RALGPS2: variants seen among roughly 807,000 people sequenced by gnomAD.
RALGPS2 encodes Ral GEF with PH domain and SH3 binding motif 2.
Under a neutral mutation model 86.8 loss-of-function variants are expected in RALGPS2, and 43 were observed. The observed-to-expected ratio is 0.50, with a 90% CI of 0.39 to 0.64. The LOEUF is 0.64. Among genes scored for constraint, RALGPS2 ranks in the 30% least tolerant of loss-of-function variants. The pLI is 0.00. For synonymous variants in RALGPS2, 243 were observed against 231.3 expected, an observed-to-expected ratio of 1.05 and a Z score of -0.46; for missense variants, 536 against 694.6, an observed-to-expected ratio of 0.77 and a Z score of 2.57.
At chr1:178,794,239 C>G (rs1218648450) in intron 4 of RALGPS2, among the ~76,000 whole-genome samples, 1 of 152,136 alleles carries the variant, frequency 6.6e-6, no homozygotes, top group Non-Finnish European at 1.5e-5. Context: ...GCTTCAGCCT[C>G]CAGAGTAGCT....
At chr1:178,831,245 C>G (rs574940332) in intron 7 of RALGPS2, among the ~76,000 whole-genome samples, 62 of 152,262 alleles carry the variant, frequency 4.1e-4, no homozygotes, top group African/African-American at 1.5e-3. Flanking sequence ...CAAAGCCATA[C>G]CAGGCTCTAA....
chr1:178,900,195 T>A (rs1007507192), intron 17 of RALGPS2, among the ~76,000 whole-genome samples: 1 of 151,874 alleles, frequency 6.6e-6, no homozygotes. Flanking sequence ...AGAAAAAAAA[T>A]CATAGATTAA....
rs186474542 is a variant in RALGPS2 at position 178,765,281 on chromosome 1, C to T, written c.-83-11401C>T. Among the ~76,000 whole-genome samples the T allele has an allele frequency of 3.3e-3, 496 of 151,492 alleles. 2 individuals carry two copies. Among genetic ancestry groups the T allele is most frequent in the African/African-American group, 0.011 (470 of 41,266 alleles). Reference sequence around the variant, plus strand: ...GTCCTTTTCTATTTTCCCTAAATGTCGGCCAGTCTGAGAAATAAAGGGAAA... The same window carrying T: ...GTCCTTTTCTATTTTCCCTAAATGTTGGCCAGTCTGAGAAATAAAGGGAAA... On this transcript the variant is annotated intron_variant, in intron 1 of 19. Coordinates refer to ENST00000367635, the MANE Select transcript of RALGPS2 (RefSeq NM_152663.5).
Position 178,808,065 on chromosome 1 carries a change from G to C in RALGPS2, c.234G>C (p.Trp78Cys). 6.2e-7 allele frequency: 1 copy of C among 1,609,252 alleles called. No individual in the cohort carries two copies. The highest frequency in any genetic ancestry group is 1.1e-5 in the South Asian group (1 of 90,662). The change falls in exon 5 of 20, where the codon TGG becomes TGC. Residue 78 changes from tryptophan to cysteine, a missense_variant. Transcript: ENST00000367635. Reference sequence around the variant, plus strand: ...TCCAGGAGCTTTCAAGTTGTGGATGGAATAAAAAAGAAAAATATAGTTCTG... The same window carrying C: ...TCCAGGAGCTTTCAAGTTGTGGATGCAATAAAAAAGAAAAATATAGTTCTG... ...IQPDELSSCG[W>C]NKKEKYSSAP...
chr1:178,911,068 A>AT (rs1236617922), intron 19 of RALGPS2, among the ~76,000 whole-genome samples: 1 of 151,806 alleles, frequency 6.6e-6, no homozygotes, highest in Non-Finnish European at 1.5e-5. Context: ...GTCTCTGAGG[A>AT]TTTTTTGTAT....
At chr1:178,846,664 C>T (rs1313731374) in intron 8 of RALGPS2, among the ~76,000 whole-genome samples, 1 of 152,056 alleles carries the variant, frequency 6.6e-6, no homozygotes, top group African/African-American at 2.4e-5. Context: ...ATAGTGTTTT[C>T]TTTAAGTGCC....
chr1:178,828,775 G>A (rs1054421227), intron 7 of RALGPS2, among the ~76,000 whole-genome samples: 2 of 152,156 alleles, frequency 1.3e-5, no homozygotes, highest in East Asian at 1.9e-4. Flanking sequence ...GATAACTAAC[G>A]AGTTTTGGTA....
chr1:178,840,503 T>C (rs1042121114), intron 8 of RALGPS2, among the ~76,000 whole-genome samples: 13 of 152,260 alleles, frequency 8.5e-5, no homozygotes, highest in African/African-American at 2.9e-4. Flanking sequence ...TTTAAAGCAG[T>C]GTGTAGAGGG....
rs141027495 is a variant in RALGPS2 at position 178,808,117 on chromosome 1, A to C, written c.286A>C (p.Arg96=). The part of the protein sequence containing the change: ...SAPNAVAFTR[R]FNHVSFWVVR... ...ACCAAATGCAGTTGCCTTCACAAGAAGATTCAATCATGTGAGTTTATAAAT... is the reference window on the plus strand; with the variant it reads ...ACCAAATGCAGTTGCCTTCACAAGACGATTCAATCATGTGAGTTTATAAAT... The change falls in exon 5 of 20, where the codon AGA becomes CGA. Residue 96 remains arginine (R), a synonymous_variant. Coordinates refer to ENST00000367635, the MANE Select transcript of RALGPS2 (RefSeq NM_152663.5). The C allele has an allele frequency of 2.4e-5, 38 of 1,599,294 alleles. No homozygotes were observed. In the African/African-American group the frequency reaches 4.7e-4, roughly 20 times the overall value.
rs1647243239 is a variant in RALGPS2, at chr1:178,920,236, T to A, written c.*3877T>A. ...TGATTTTGCTCCCCTAAAAATGGCT[T>A]GTGTCTAAAGTGACATTTTTTTCCC... is the stretch of plus-strand genomic sequence containing the variant. On this transcript the variant is annotated 3_prime_UTR_variant, in exon 20 of 20. Coordinates refer to ENST00000367635, the MANE Select transcript of RALGPS2 (RefSeq NM_152663.5). The A allele has an allele frequency of 6.6e-6, 1 of 152,022 alleles. No individual in the cohort carries two copies. Among genetic ancestry groups the A allele is most frequent in the South Asian group, 2.1e-4 (1 of 4,828 alleles). 9.4% of individuals were successfully genotyped at this position (152,022 alleles called of 1,614,324 possible).
intron 1 of RALGPS2, among the ~76,000 whole-genome samples, chr1:178,737,957 T>G (rs1650815364): frequency 1.3e-5 from 2 of 151,980 alleles, no homozygotes; most frequent in Non-Finnish European, 1.5e-5. Flanking sequence ...TTTTTGTTTT[T>G]TTGTAGAGAC....
rs1438188498 is a variant in RALGPS2 at position 178,774,229 on chromosome 1, C to T, written c.-83-2453C>T. Among the ~76,000 whole-genome samples the T allele has an allele frequency of 2.0e-5, 3 of 151,894 alleles. No individual in the cohort carries two copies. In the East Asian group the frequency reaches 5.8e-4, roughly 29 times the overall value. ...GGCGGAGGTTGCAGTGAGCTGAGAT[C>T]ATGCCATTGCATGCCAGCCTGGGCA... On this transcript the variant is annotated intron_variant, in intron 1 of 19. Transcript: ENST00000367635.
intron 7 of RALGPS2, among the ~76,000 whole-genome samples, chr1:178,825,693 A>G (rs916264481): frequency 6.6e-6 from 1 of 152,218 alleles, no homozygotes; most frequent in Admixed American, 6.5e-5. Context: ...CATTAGCTAC[A>G]TGTGGCTATT....
chr1:178,737,199 G>C (rs1650757383), intron 1 of RALGPS2, among the ~76,000 whole-genome samples: 1 of 152,160 alleles, frequency 6.6e-6, no homozygotes, highest in Admixed American at 6.5e-5. Flanking sequence ...TAAAAGGTAA[G>C]AAAATGCACA....
chr1:178,876,660 G>A (rs1373267730), intron 8 of RALGPS2, among the ~76,000 whole-genome samples: 2 of 152,200 alleles, frequency 1.3e-5, no homozygotes, highest in South Asian at 2.1e-4. Context: ...TGAACATGAA[G>A]TAATGGGGTA....
chr1:178,913,610 A>G (rs1304215912), intron 19 of RALGPS2, among the ~76,000 whole-genome samples: 1 of 152,168 alleles, frequency 6.6e-6, no homozygotes, highest in African/African-American at 2.4e-5. Context: ...GAGGGCTGAT[A>G]TTCCTTTATC....
intron 1 of RALGPS2, among the ~76,000 whole-genome samples, chr1:178,768,513 G>A (rs568321031): frequency 6.0e-4 from 92 of 152,212 alleles, no homozygotes; most frequent in Non-Finnish European, 1.2e-3. Flanking sequence ...CTACCTATCA[G>A]CCAGTAGATG....
chr1:178,897,397 A>G (rs906810717), intron 16 of RALGPS2, among the ~76,000 whole-genome samples: 8 of 152,116 alleles, frequency 5.3e-5, no homozygotes, highest in African/African-American at 1.7e-4. Context: ...GGGCATAAAA[A>G]GAGAGTTGAG....
intron 1 of RALGPS2, among the ~76,000 whole-genome samples, chr1:178,737,487 C>A (rs1389390710): frequency 1.3e-5 from 2 of 152,110 alleles, no homozygotes; most frequent in Non-Finnish European, 2.9e-5. Context: ...ACCTCGTGAT[C>A]CACCTGCCTC....
Sources: allele counts gnomAD v4.1 joint callset (sites outside exome capture counted in the v4.1 genomes callset), GRCh38; gene constraint gnomAD v4.1.1; transcripts MANE v1.5; gene names NCBI Gene and HGNC (gene_info 2026-07-23, HGNC 2026-07-21).